NT5C2: variants seen among roughly 807,000 people sequenced by gnomAD.
NT5C2 encodes the protein cytosolic purine 5'-nucleotidase.
NT5C2 carries 58 observed loss-of-function variants against 76.1 expected under a neutral mutation model. The observed-to-expected ratio is 0.76, with a 90% confidence interval of 0.62 to 0.95. NT5C2 has a LOEUF of 0.95. Ranked by LOEUF, NT5C2 falls within the 40% of genes least tolerant of loss-of-function variation. NT5C2 has a pLI of 0.00. For missense variants in NT5C2, 478 were observed against 690.3 expected (o/e 0.69, Z 3.45); for synonymous variants, 229 against 237.4 (o/e 0.96, Z 0.32).
chr10:103,118,092 A>T (rs530196313), intron 4 of NT5C2, among the ~76,000 whole-genome samples: 14 of 152,326 alleles, frequency 9.2e-5, no homozygotes, highest in African/African-American at 3.1e-4. Context: ...GCTTTATTTT[A>T]AAAAATTAGT....
intron 4 of NT5C2, among the ~76,000 whole-genome samples, chr10:103,137,384 T>C (rs2079495356): frequency 6.6e-6 from 1 of 151,748 alleles, no homozygotes; most frequent in East Asian, 1.9e-4. Flanking sequence ...TGACAAAGAG[T>C]ATGGAGGGAA....
At chr10:103,128,491 G>A (rs1226125319) in intron 4 of NT5C2, among the ~76,000 whole-genome samples, 1 of 107,402 alleles carries the variant, frequency 9.3e-6, no homozygotes, top group Non-Finnish European at 2.0e-5. Context: ...CCACCACCCC[G>A]TCTGGGAAGT....
chr10:103,132,163 C>A (rs1591278683), intron 4 of NT5C2, among the ~76,000 whole-genome samples: 1 of 151,612 alleles, frequency 6.6e-6, no homozygotes, highest in African/African-American at 2.4e-5. Context: ...TTGCTTGAAC[C>A]TGGGAGGCGG....
intron 4 of NT5C2, among the ~76,000 whole-genome samples, chr10:103,109,694 C>T (rs10786738): frequency 0.32 from 47,939 of 151,986 alleles, 7,650 homozygotes; most frequent in Middle Eastern, 0.36. Context: ...CTCCCACCCA[C>T]ACTCACCCCT....
chr10:103,192,517 C>A (rs907674654), intron 1 of NT5C2, among the ~76,000 whole-genome samples: 2 of 152,146 alleles, frequency 1.3e-5, no homozygotes, highest in Non-Finnish European at 2.9e-5. Flanking sequence ...TTCAGGAGCC[C>A]CGAAAAAAGG....
chr10:103,186,189 C>T (rs996198187), intron 1 of NT5C2, among the ~76,000 whole-genome samples: 2 of 152,196 alleles, frequency 1.3e-5, no homozygotes, highest in African/African-American at 2.4e-5. Flanking sequence ...CCAACTAGCT[C>T]TACGACTAAG....
intron 3 of NT5C2, among the ~76,000 whole-genome samples, chr10:103,151,386 A>T (rs2082362855): frequency 6.6e-6 from 1 of 151,638 alleles, no homozygotes; most frequent in Non-Finnish European, 1.5e-5. Flanking sequence ...AATCGCTTCA[A>T]CCTGGAGGTG....
chr10:103,118,599 C>A (rs2074951024), intron 4 of NT5C2, among the ~76,000 whole-genome samples: 1 of 152,162 alleles, frequency 6.6e-6, no homozygotes. Context: ...AGCAATCCAT[C>A]TGCCTCGGCC....
In NT5C2 at chr10:103,109,107, C is replaced by T. The variant is rs552141172; in HGVS notation, c.176-2401G>A. On this transcript the variant is annotated intron_variant, in intron 4 of 18. Transcript: ENST00000404739. ...TCAAGTGATCCGCCTGCCTCGGGCT[C>T]CCAAAGTGCTGCTATTACAGGCTGA... Among the ~76,000 whole-genome samples the T allele has an allele frequency of 2.0e-5, 3 of 152,230 alleles. No homozygotes were observed. The East Asian group carries it at 5.8e-4, about 29-fold the overall frequency.
intron 4 of NT5C2, among the ~76,000 whole-genome samples, chr10:103,123,195 T>A (rs1417197359): frequency 2.0e-5 from 3 of 152,144 alleles, no homozygotes; most frequent in Admixed American, 2.0e-4. Flanking sequence ...CAATCACAAC[T>A]CACCAAAACC....
chr10:103,184,013 C>T (rs535152992), intron 1 of NT5C2, among the ~76,000 whole-genome samples: 3 of 150,794 alleles, frequency 2.0e-5, no homozygotes, highest in East Asian at 3.9e-4. Flanking sequence ...AGTGCAATGA[C>T]GCGATCTCGG....
At chr10:103,152,673 T>C (rs895392358) in intron 3 of NT5C2, among the ~76,000 whole-genome samples, 5 of 152,196 alleles carry the variant, frequency 3.3e-5, no homozygotes, top group Non-Finnish European at 5.9e-5. Flanking sequence ...AGGCTAGAAA[T>C]GAAATAACCA....
chr10:103,191,989 A>AT lies in NT5C2; in HGVS notation c.-169+1246dup, dbSNP rs1414894327. ...TTTTTTCCACTCTCAGCTCACACCT[A>AT]TTTTTTTTCTCTTTTCGAACTTCAC... On this transcript the variant is annotated intron_variant, in intron 1 of 18. Transcript: ENST00000404739. Among the ~76,000 whole-genome samples, 6 of 146,358 alleles carry AT rather than the reference A, an allele frequency of 4.1e-5. No individual in the cohort carries two copies. In the South Asian group the frequency reaches 6.5e-4, roughly 16 times the overall value.
chr10:103,100,059 CAG>C (rs1396594255), intron 8 of NT5C2, 40 bp from the exon 9 acceptor site: 2 of 1,356,332 alleles, frequency 1.5e-6, no homozygotes, highest in Non-Finnish European at 2.1e-6. Context: ...GGATCCAAAA[CAG>C]GGTAAACAAA....
At chr10:103,134,945 C>T (rs980233137) in intron 4 of NT5C2, among the ~76,000 whole-genome samples, 1 of 152,212 alleles carries the variant, frequency 6.6e-6, no homozygotes. Context: ...GGGCCTGTAG[C>T]CCCTTTGTTT....
chr10:103,091,517 G>A lies in NT5C2; in HGVS notation c.1211+47C>T, dbSNP rs569546731. On this transcript the variant is annotated intron_variant, in intron 16 of 18. Transcript: ENST00000404739. ...TGGAAAGAACATTTCTTATATCTAAGTGATTCCTGAGTAAGTTTTTGGGAA... is the reference window on the plus strand; with the variant it reads ...TGGAAAGAACATTTCTTATATCTAAATGATTCCTGAGTAAGTTTTTGGGAA... The A allele has an allele frequency of 2.2e-4, 303 of 1,391,472 alleles. 2 individuals carry two copies. In the East Asian group the frequency reaches 3.0e-3, roughly 14 times the overall value. 86.2% of individuals were successfully genotyped at this position (1,391,472 alleles called of 1,614,324 possible).
chr10:103,193,200 C>T (rs928394866), intron 1 of NT5C2, 36 bp downstream of exon 1: 2 of 152,280 alleles, frequency 1.3e-5, no homozygotes, highest in Admixed American at 6.6e-5. Context: ...TTCGCCCGCT[C>T]CTTCCCCGCC....
At chr10:103,123,461 G>A (rs1452954398) in intron 4 of NT5C2, among the ~76,000 whole-genome samples, 2 of 152,030 alleles carry the variant, frequency 1.3e-5, no homozygotes, top group African/African-American at 2.4e-5. Flanking sequence ...GGGCTCAAGG[G>A]CTCACAGCCT....
At chr10:103,164,243 C>T (rs1487463836) in intron 3 of NT5C2, among the ~76,000 whole-genome samples, 1 of 151,840 alleles carries the variant, frequency 6.6e-6, no homozygotes, top group African/African-American at 2.4e-5. Context: ...GAAATCGTGT[C>T]TCTGAAAAAC....
Sources: gnomAD v4.1 joint callset for allele counts (sites outside exome capture counted in the v4.1 genomes callset) on GRCh38, gnomAD v4.1.1 for gene constraint, MANE v1.5 for transcripts, NCBI Gene and HGNC (gene_info 2026-07-23, HGNC 2026-07-21) for gene names.